Variants in ZFHX4 observed in about 807,000 individuals in gnomAD.
The protein encoded by ZFHX4 is zinc finger homeobox protein 4.
A neutral mutation model predicts 267.6 loss-of-function variants in ZFHX4; 56 were observed. That is an observed-to-expected ratio of 0.21 (90% CI 0.17 to 0.26). The LOEUF (loss-of-function observed/expected upper bound fraction) is 0.26. ZFHX4 is among the 10% of genes least tolerant of loss of function. The pLI is 1.00. For missense variants in ZFHX4, 4,332 were observed against 4,420.0 expected (o/e 0.98, Z 0.56); for synonymous variants, 1,778 against 1,665.6 (o/e 1.07, Z -1.64).
chr8:76,767,553 A>G (rs1201510462), intron 3 of ZFHX4, among the ~76,000 whole-genome samples: 1 of 152,204 alleles, frequency 6.6e-6, no homozygotes, highest in African/African-American at 2.4e-5. Context: ...GAAGGGAACC[A>G]AAAGTTATTA....
chr8:76,722,666 C>G (rs373642354), intron 3 of ZFHX4, among the ~76,000 whole-genome samples: 1 of 150,578 alleles, frequency 6.6e-6, no homozygotes, highest in African/African-American at 2.4e-5. Flanking sequence ...GGAGAAAAAA[C>G]ACTCCACTGA....
intron 3 of ZFHX4, among the ~76,000 whole-genome samples, chr8:76,741,576 A>C (rs1007572327): frequency 6.6e-6 from 1 of 152,158 alleles, no homozygotes; most frequent in Non-Finnish European, 1.5e-5. Context: ...CAAGACTCAG[A>C]AGTCATCAAT....
At chr8:76,770,524 C>A (rs1046643493) in intron 3 of ZFHX4, among the ~76,000 whole-genome samples, 2 of 151,952 alleles carry the variant, frequency 1.3e-5, no homozygotes, top group African/African-American at 4.8e-5. Flanking sequence ...ATATGCTGGA[C>A]ATTATTTAGG....
At chr8:76,738,150 T>C (rs938707555) in intron 3 of ZFHX4, among the ~76,000 whole-genome samples, 2 of 152,148 alleles carry the variant, frequency 1.3e-5, no homozygotes, top group East Asian at 1.9e-4. Flanking sequence ...TAGTGGCACA[T>C]GTATCCAAAA....
intron 4 of ZFHX4, among the ~76,000 whole-genome samples, chr8:76,816,590 C>CTTTTT (rs950143569): frequency 5.3e-5 from 6 of 113,026 alleles, no homozygotes; most frequent in African/African-American, 2.1e-4. Context: ...ATTTAAATGT[C>CTTTTT]TTTTTTTTTT....
In ZFHX4 at chr8:76,778,308, A is replaced by T. The variant is rs1156959869; in HGVS notation, c.3194A>T (p.His1065Leu). The change falls in exon 4 of 11, where the codon CAT becomes CTT. Residue 1065 changes from histidine to leucine, a missense_variant. Around this residue, in one of 7 missense-constraint regions of ZFHX4, gnomAD observed 1,371 missense variants for 1,423.1 expected, o/e 0.96. Transcript: ENST00000651372. ...AAGGTCAAGTTGAATCTGGTACAAC[A>T]TGTCCGTTCGGTGAAGCATCAGCAG... Reference protein sequence around the residue: ...TTKVKLNLVQHVRSVKHQQTE... With the variant: ...TTKVKLNLVQLVRSVKHQQTE... The T allele has an allele frequency of 6.2e-7, 1 of 1,613,828 alleles. No homozygotes were observed. The highest frequency in any genetic ancestry group is 1.7e-5 in the Admixed American group (1 of 60,004).
intron 3 of ZFHX4, among the ~76,000 whole-genome samples, chr8:76,711,443 A>G (rs1416943538): frequency 1.3e-5 from 2 of 152,192 alleles, no homozygotes; most frequent in African/African-American, 4.8e-5. Flanking sequence ...CAAAATATAT[A>G]GCTAGCTACA....
rs778129016 is a variant in ZFHX4 at position 76,864,022 on chromosome 8, A to G, written c.10308A>G (p.Gln3436=). The change falls in exon 11 of 11, where the codon CAA becomes CAG. Residue 3436 remains glutamine, a synonymous_variant. Transcript: ENST00000651372. ...CYFGQPLIDP[Q]ETVLRVPVSK... ...TCGGTCAGCCTTTGATTGACCCACAAGAGACAGTGCTTCGTGTCCCAGTCA... is the reference window on the plus strand; with the variant it reads ...TCGGTCAGCCTTTGATTGACCCACAGGAGACAGTGCTTCGTGTCCCAGTCA... 25 of 1,613,704 alleles carry G rather than the reference A, an allele frequency of 1.5e-5. No homozygotes were observed. In the South Asian group the frequency reaches 2.2e-4, roughly 14 times the overall value.
rs1812667358 is a variant in ZFHX4 at position 76,854,860 on chromosome 8, A to G, written c.7939A>G (p.Arg2647Gly). The change falls in exon 10 of 11, where the codon AGG becomes GGG. Residue 2647 changes from arginine to glycine, a missense_variant. Transcript: ENST00000651372. Reference protein sequence around the residue: ...HIAREVGLKKRVVQVWFQNTR... With the variant: ...HIAREVGLKKGVVQVWFQNTR... ...TGCCCGCGAAGTCGGGCTGAAAAAA[A>G]GGGTCGTGCAAGTCTGGTTCCAGAA... 2 of 1,609,258 alleles carry G rather than the reference A, an allele frequency of 1.2e-6. No individual in the cohort carries two copies. The highest frequency in any genetic ancestry group is 1.7e-6 in the Non-Finnish European group (2 of 1,178,462).
chr8:76,834,107 T>G (rs1812008837), intron 5 of ZFHX4: 1 of 450,428 alleles, frequency 2.2e-6, no homozygotes, highest in South Asian at 1.6e-5. Context: ...TATCATTGTC[T>G]TCATATGTCA....
intron 3 of ZFHX4, among the ~76,000 whole-genome samples, chr8:76,767,154 C>T (rs1259539603): frequency 2.0e-5 from 3 of 151,898 alleles, no homozygotes; most frequent in Non-Finnish European, 2.9e-5. Flanking sequence ...AGCTTGCATT[C>T]CAGCTTTATT....
chr8:76,801,560 A>G (rs781053331), intron 4 of ZFHX4, among the ~76,000 whole-genome samples: 4 of 152,164 alleles, frequency 2.6e-5, no homozygotes, highest in Non-Finnish European at 4.4e-5. Context: ...TTCTGCTCCT[A>G]GCCTATTGTT....
intron 1 of ZFHX4, among the ~76,000 whole-genome samples, chr8:76,701,210 A>C (rs1182393367): frequency 1.3e-5 from 2 of 152,134 alleles, no homozygotes; most frequent in Non-Finnish European, 2.9e-5. Flanking sequence ...AACAAAATAA[A>C]AATTTTAAAA....
intron 1 of ZFHX4, among the ~76,000 whole-genome samples, chr8:76,688,130 A>T (rs1051424994): frequency 7.9e-5 from 12 of 152,210 alleles, no homozygotes; most frequent in African/African-American, 2.9e-4. Context: ...TTTCAGAAAC[A>T]TGCCAGGCTA....
At chr8:76,714,006 CCTA>C (rs1308064691) in intron 3 of ZFHX4, among the ~76,000 whole-genome samples, 4 of 152,090 alleles carry the variant, frequency 2.6e-5, no homozygotes, top group Non-Finnish European at 5.9e-5. Flanking sequence ...CATGTCAACT[CCTA>C]CTTTATGATT....
At chr8:76,730,736 G>T (rs778591539) in intron 3 of ZFHX4, among the ~76,000 whole-genome samples, 2 of 152,116 alleles carry the variant, frequency 1.3e-5, no homozygotes, top group East Asian at 1.9e-4. Flanking sequence ...CTATTTTAAA[G>T]GTGCCCTGGG....
intron 1 of ZFHX4, among the ~76,000 whole-genome samples, chr8:76,700,156 C>T (rs1409720960): frequency 6.6e-6 from 1 of 151,650 alleles, no homozygotes; most frequent in Non-Finnish European, 1.5e-5. Context: ...TAACTAGTTA[C>T]CAAATTATCA....
At chr8:76,699,152 T>G (rs1013529529) in intron 1 of ZFHX4, among the ~76,000 whole-genome samples, 2 of 152,144 alleles carry the variant, frequency 1.3e-5, no homozygotes, top group Non-Finnish European at 2.9e-5. Flanking sequence ...TCACAAACAT[T>G]AACTACGCAG....
intron 4 of ZFHX4, among the ~76,000 whole-genome samples, chr8:76,819,679 A>G (rs1339295125): frequency 2.1e-4 from 32 of 152,214 alleles, no homozygotes; most frequent in Admixed American, 2.1e-3. Context: ...GCTTATAAGT[A>G]TTGTGCAACC....
Sources: gnomAD v4.1 joint callset for allele counts (sites outside exome capture counted in the v4.1 genomes callset) on GRCh38, gnomAD v4.1.1 for gene constraint, gnomAD v4.1.1 regional missense constraint, MANE v1.5 for transcripts, NCBI Gene and HGNC (gene_info 2026-07-23, HGNC 2026-07-21) for gene names.